TMEM132D: variants seen among roughly 807,000 people sequenced by gnomAD.
TMEM132D encodes the protein transmembrane protein 132D.
TMEM132D carries 21 observed loss-of-function variants against 62.3 expected under a neutral mutation model. The ratio of observed to expected loss-of-function variants is 0.34; its 90% CI spans 0.24 to 0.49. The LOEUF (loss-of-function observed/expected upper bound fraction) is 0.49, where lower values mean the gene tolerates loss of function less well. TMEM132D is among the 20% of genes least tolerant of loss of function. The pLI is 0.99. For synonymous variants in TMEM132D, 621 were observed against 575.6 expected, an observed-to-expected ratio of 1.08 and a Z score of -1.13; for missense variants, 1,346 against 1,402.8, an observed-to-expected ratio of 0.96 and a Z score of 0.65.
intron 1 of TMEM132D, among the ~76,000 whole-genome samples, chr12:129,778,114 CAAAAA>C (rs35384142): frequency 3.5e-5 from 3 of 85,360 alleles, no homozygotes; most frequent in African/African-American, 1.4e-4. Context: ...GACCCTGTCT[CAAAAA>C]AAAAAAAAAA....
chr12:129,295,639 C>T (rs1881556487), intron 4 of TMEM132D, among the ~76,000 whole-genome samples: 1 of 151,960 alleles, frequency 6.6e-6, no homozygotes, highest in African/African-American at 2.4e-5. Flanking sequence ...TGTACACACA[C>T]TCACACACTC....
At chr12:129,094,948 C>A (rs559116256) in intron 5 of TMEM132D, among the ~76,000 whole-genome samples, 1 of 149,122 alleles carries the variant, frequency 6.7e-6, no homozygotes, top group Non-Finnish European at 1.5e-5. Context: ...AACCAAACAC[C>A]GCATGTTCTC....
intron 3 of TMEM132D, among the ~76,000 whole-genome samples, chr12:129,359,768 T>C (rs1593350581): frequency 6.6e-6 from 1 of 151,848 alleles, no homozygotes; most frequent in Admixed American, 6.6e-5. Context: ...CCACTGAGAA[T>C]GAATAAGTTT....
chr12:129,380,568 TGC>T (rs1444111846), intron 3 of TMEM132D, among the ~76,000 whole-genome samples: 2 of 136,924 alleles, frequency 1.5e-5, no homozygotes, highest in Non-Finnish European at 3.2e-5. Context: ...TGTGTGTGTG[TGC>T]GTGTGTGTGT....
In TMEM132D at chr12:129,384,050, T is replaced by C. The variant is rs115697402; in HGVS notation, c.1116-46233A>G. ...GAGCTCAGGACTGAATTGCCGAAAA[T>C]ACATAACACATCGTAAAAAAAGATC... On this transcript the variant is annotated intron_variant, in intron 3 of 8. Coordinates refer to ENST00000422113, the MANE Select transcript of TMEM132D (RefSeq NM_133448.3). 2.0e-3 allele frequency among the ~76,000 whole-genome samples: 302 copies of C among 152,190 alleles called. 2 individuals are homozygous for C. Among genetic ancestry groups the C allele is most frequent in the African/African-American group, 6.9e-3 (288 of 41,530 alleles).
At chr12:129,314,236 T>A (rs1175436018) in intron 4 of TMEM132D, among the ~76,000 whole-genome samples, 1 of 152,230 alleles carries the variant, frequency 6.6e-6, no homozygotes, top group Non-Finnish European at 1.5e-5. Context: ...TTCTAGAACT[T>A]CTGTAGTTTC....
chr12:129,768,437 TGGTTTTTAATTTTTTAAGGAC>T (rs1870626173), intron 1 of TMEM132D, among the ~76,000 whole-genome samples: 1 of 151,836 alleles, frequency 6.6e-6, no homozygotes, highest in Non-Finnish European at 1.5e-5. Context: ...GAGGAGAATG[TGGTTTTTAATTTTTTAAGGAC>T]GGTTCCTTAA....
chr12:129,335,735 A>G (rs529518565), intron 4 of TMEM132D, among the ~76,000 whole-genome samples: 1 of 150,672 alleles, frequency 6.6e-6, no homozygotes, highest in Non-Finnish European at 1.5e-5. Context: ...CTTTTCTTTT[A>G]TTTCCTTGTA....
intron 3 of TMEM132D, among the ~76,000 whole-genome samples, chr12:129,354,120 GCA>G (rs1869958302): frequency 6.6e-6 from 1 of 151,962 alleles, no homozygotes; most frequent in African/African-American, 2.4e-5. Context: ...CTCAGCCCAG[GCA>G]CAGACAAGGA....
In TMEM132D at chr12:129,179,959, C is replaced by T. The variant is rs575846040; in HGVS notation, c.1443+29561G>A. 4.6e-5 allele frequency among the ~76,000 whole-genome samples: 7 copies of T among 151,838 alleles called. No individual in the cohort carries two copies. The South Asian group carries it at 8.3e-4, about 18-fold the overall frequency. Reference sequence around the variant, plus strand: ...AGGAGAATGGCTTGAACCTGGGAGGCGGAGGTTCCTGGGAGCCAAGCTCGC... The same window carrying T: ...AGGAGAATGGCTTGAACCTGGGAGGTGGAGGTTCCTGGGAGCCAAGCTCGC... On this transcript the variant is annotated intron_variant, in intron 5 of 8. Coordinates refer to ENST00000422113, the MANE Select transcript of TMEM132D (RefSeq NM_133448.3).
chr12:129,335,337 C>T (rs1175197968), intron 4 of TMEM132D, among the ~76,000 whole-genome samples: 4 of 151,854 alleles, frequency 2.6e-5, no homozygotes, highest in Non-Finnish European at 5.9e-5. Context: ...GGGGTTTTGC[C>T]ATGTTGGTCA....
At chr12:129,787,229 T>C (rs984482637) in intron 1 of TMEM132D, among the ~76,000 whole-genome samples, 2 of 152,202 alleles carry the variant, frequency 1.3e-5, no homozygotes, top group East Asian at 1.9e-4. Flanking sequence ...TATTAACATT[T>C]TGGCTTCTTA....
intron 3 of TMEM132D, among the ~76,000 whole-genome samples, chr12:129,443,600 C>A (rs1040698545): frequency 6.6e-5 from 10 of 152,046 alleles, no homozygotes; most frequent in African/African-American, 1.9e-4. Context: ...TTTCTCTATT[C>A]TTTCCATCTC....
At chr12:129,408,490 T>G (rs990210016) in intron 3 of TMEM132D, among the ~76,000 whole-genome samples, 2 of 152,012 alleles carry the variant, frequency 1.3e-5, no homozygotes, top group Non-Finnish European at 2.9e-5. Flanking sequence ...ACTGATGTCT[T>G]AATCCTTATC....
At chr12:129,275,632 G>A (rs539924350) in intron 4 of TMEM132D, among the ~76,000 whole-genome samples, 1 of 152,316 alleles carries the variant, frequency 6.6e-6, no homozygotes, top group East Asian at 1.9e-4. Context: ...CTGGAATAAG[G>A]AGATCAAGGT....
intron 2 of TMEM132D, among the ~76,000 whole-genome samples, chr12:129,643,278 C>T (rs1033160954): frequency 2.0e-5 from 3 of 152,114 alleles, no homozygotes; most frequent in Non-Finnish European, 4.4e-5. Flanking sequence ...TTCACCTATG[C>T]TATATTGTGG....
chr12:129,436,201 T>C (rs1360844658), intron 3 of TMEM132D, among the ~76,000 whole-genome samples: 2 of 152,172 alleles, frequency 1.3e-5, no homozygotes, highest in Admixed American at 1.3e-4. Context: ...GATGATTTAA[T>C]GAAGACCATA....
intron 2 of TMEM132D, among the ~76,000 whole-genome samples, chr12:129,553,913 G>A (rs576470936): frequency 2.4e-4 from 36 of 152,232 alleles, no homozygotes; most frequent in African/African-American, 7.2e-4. Context: ...CATGCTTTGC[G>A]TATGTCCAAA....
intron 1 of TMEM132D, among the ~76,000 whole-genome samples, chr12:129,802,702 T>G (rs1156530034): frequency 6.7e-6 from 1 of 149,780 alleles, no homozygotes; most frequent in Non-Finnish European, 1.5e-5. Context: ...TAACTTTAAA[T>G]GTAAATGGAC....
Sources: gnomAD v4.1 joint callset for allele counts (sites outside exome capture counted in the v4.1 genomes callset) on GRCh38, gnomAD v4.1.1 for gene constraint, MANE v1.5 for transcripts, NCBI Gene and HGNC (gene_info 2026-07-23, HGNC 2026-07-21) for gene names.